The following SLIT3 variants were observed in gnomAD, a reference collection of about 807,000 sequenced individuals.
SLIT3 encodes the protein slit homolog 3 protein.
Under a neutral mutation model 184.0 loss-of-function variants are expected in SLIT3, and 68 were observed. That is an observed-to-expected ratio of 0.37 (90% CI 0.30 to 0.45). The LOEUF is 0.45. Among genes scored for constraint, SLIT3 ranks in the 20% least tolerant of loss-of-function variants. The pLI is 1.00. For synonymous variants in SLIT3, 831 were observed against 828.6 expected (o/e 1.00, Z -0.05); for missense variants, 1,707 against 2,026.0 (o/e 0.84, Z 3.02).
At chr5:168,961,309 AGCCAT>A (rs1762999140) in intron 4 of SLIT3, among the ~76,000 whole-genome samples, 1 of 152,258 alleles carries the variant, frequency 6.6e-6, no homozygotes, top group African/African-American at 2.4e-5. Flanking sequence ...ATTTTATTTC[AGCCAT>A]GTACCAGACA....
At chr5:168,709,378 G>C (rs895300764) in intron 25 of SLIT3, among the ~76,000 whole-genome samples, 5 of 152,184 alleles carry the variant, frequency 3.3e-5, no homozygotes, top group Non-Finnish European at 5.9e-5. Flanking sequence ...TTAGAGGCAT[G>C]AGCCACCGTG....
Position 169,032,514 on chromosome 5 carries a change from T to G in SLIT3, c.414-149178A>C, listed in dbSNP as rs138852943. On this transcript the variant is annotated intron_variant, in intron 4 of 35. Coordinates refer to ENST00000519560, the MANE Select transcript of SLIT3 (RefSeq NM_003062.4). ...TACTCACTTATGTGCCAGTCATTTT[T>G]TTTTTTTACCATATATGTGTAAATA... Among the ~76,000 whole-genome samples, 1,100 of 152,220 alleles carry G rather than the reference T, an allele frequency of 7.2e-3. 3 individuals are homozygous for G. The highest frequency in any genetic ancestry group is 0.012 in the Non-Finnish European group (804 of 68,008).
chr5:169,089,056 G>A (rs754708703), intron 4 of SLIT3, among the ~76,000 whole-genome samples: 8,493 of 50,042 alleles, frequency 0.17, 1 homozygote, highest in African/African-American at 0.19. Flanking sequence ...AAAAAAAAAA[G>A]AAGTGCTGAC....
intron 1 of SLIT3, among the ~76,000 whole-genome samples, chr5:169,268,295 C>T (rs1470765849): frequency 6.6e-6 from 1 of 152,154 alleles, no homozygotes; most frequent in African/African-American, 2.4e-5. Flanking sequence ...TCATTTCACA[C>T]ATGGAGGGAA....
chr5:168,842,468 C>CGT lies in SLIT3; in HGVS notation c.557+2114_557+2115dup, dbSNP rs1282787634. Among the ~76,000 whole-genome samples, 152 of 61,308 alleles carry CGT rather than the reference C, an allele frequency of 2.5e-3. 2 individuals are homozygous for CGT. The highest frequency in any genetic ancestry group is 0.016 in the African/African-American group (136 of 8,244). The allele number at this position is 61,308 out of a possible 152,430, so 40.2% of individuals were successfully genotyped here. A position where few individuals can be genotyped will look rare whatever the true frequency, so the allele number is the denominator to read the frequency against. On this transcript the variant is annotated intron_variant, in intron 6 of 35. Transcript: ENST00000519560. ...CTGGTGCATCTGGATACCGTTTTTT[C>CGT]GTTTTTTTTTTTTTTTTTTGTATCT...
intron 4 of SLIT3, among the ~76,000 whole-genome samples, chr5:169,164,931 T>C (rs1274709762): frequency 1.3e-5 from 2 of 152,238 alleles, no homozygotes; most frequent in East Asian, 3.8e-4. Flanking sequence ...ATGCCTGGGC[T>C]TCAGGCCCAG....
intron 4 of SLIT3, among the ~76,000 whole-genome samples, chr5:168,940,054 C>A (rs78593780): frequency 6.6e-6 from 1 of 151,932 alleles, no homozygotes; most frequent in African/African-American, 2.4e-5. Flanking sequence ...GTAATACAGT[C>A]GGGGAGGATA....
intron 4 of SLIT3, among the ~76,000 whole-genome samples, chr5:169,183,426 C>G (rs6874722): frequency 0.24 from 36,630 of 152,040 alleles, 5,870 homozygotes; most frequent in African/African-American, 0.44. Context: ...GAAGCCCTTA[C>G]ACATACAACC....
At chr5:168,986,873 T>C (rs909255227) in intron 4 of SLIT3, among the ~76,000 whole-genome samples, 2 of 152,206 alleles carry the variant, frequency 1.3e-5, no homozygotes, top group Non-Finnish European at 2.9e-5. Context: ...ACTCATGATA[T>C]ACACATTGTT....
At chr5:168,957,590 G>A (rs759105623) in intron 4 of SLIT3, among the ~76,000 whole-genome samples, 41 of 152,198 alleles carry the variant, frequency 2.7e-4, no homozygotes, top group Non-Finnish European at 2.6e-4. Flanking sequence ...GGCCCGCTTT[G>A]AATAGCCAGG....
intron 4 of SLIT3, among the ~76,000 whole-genome samples, chr5:169,144,412 C>T (rs1024687181): frequency 6.6e-6 from 1 of 152,202 alleles, no homozygotes; most frequent in African/African-American, 2.4e-5. Context: ...TGTTTCACTG[C>T]TTCTAATTAT....
At chr5:169,101,303 C>G (rs1199728207) in intron 4 of SLIT3, among the ~76,000 whole-genome samples, 1 of 152,220 alleles carries the variant, frequency 6.6e-6, no homozygotes, top group East Asian at 1.9e-4. Context: ...TTCCTCTTCA[C>G]AGGACAGGAC....
At chr5:168,813,289 C>A (rs1304536251) in intron 8 of SLIT3, among the ~76,000 whole-genome samples, 3 of 146,576 alleles carry the variant, frequency 2.0e-5, no homozygotes, top group South Asian at 2.2e-4. Context: ...TTTAAACCCC[C>A]AAATAAACCC....
At chr5:168,940,123 G>C (rs1319998785) in intron 4 of SLIT3, among the ~76,000 whole-genome samples, 5 of 152,222 alleles carry the variant, frequency 3.3e-5, no homozygotes, top group Admixed American at 1.3e-4. Context: ...TGAGATGCGG[G>C]TGATAAATGC....
chr5:168,768,133 T>C (rs1420758501), intron 14 of SLIT3: 2 of 499,572 alleles, frequency 4.0e-6, no homozygotes, highest in African/African-American at 1.9e-5. Context: ...GTGGCGGCGG[T>C]GGCGGGCCAT....
chr5:169,202,785 GC>G (rs943056574), intron 3 of SLIT3, among the ~76,000 whole-genome samples: 2 of 150,312 alleles, frequency 1.3e-5, no homozygotes, highest in Non-Finnish European at 3.0e-5. Flanking sequence ...CAAGCACAAA[GC>G]CCCCCCACCC....
intron 6 of SLIT3, among the ~76,000 whole-genome samples, chr5:168,839,875 C>T (rs1758183341): frequency 6.6e-6 from 1 of 152,196 alleles, no homozygotes; most frequent in African/African-American, 2.4e-5. Context: ...TCCCCTGTTA[C>T]CGCCAACTTG....
chr5:168,907,897 T>TAG (rs1554158764), intron 4 of SLIT3, among the ~76,000 whole-genome samples: 3 of 138,200 alleles, frequency 2.2e-5, no homozygotes, highest in East Asian at 4.2e-4. Context: ...ATATATATCA[T>TAG]ATATATATAG....
At chr5:168,873,816 C>A (rs1351843818) in intron 5 of SLIT3, among the ~76,000 whole-genome samples, 1 of 151,760 alleles carries the variant, frequency 6.6e-6, no homozygotes, top group African/African-American at 2.4e-5. Flanking sequence ...AAAAAAAAAA[C>A]CAAACCTGAT....
Sources: gnomAD v4.1 joint callset for allele counts (sites outside exome capture counted in the v4.1 genomes callset) on GRCh38, gnomAD v4.1.1 for gene constraint, MANE v1.5 for transcripts, NCBI Gene and HGNC (gene_info 2026-07-23, HGNC 2026-07-21) for gene names.